Variants in PSTPIP1 observed in about 807,000 individuals in gnomAD.
PSTPIP1 encodes proline-serine-threonine phosphatase interacting protein 1.
In PSTPIP1, 66 loss-of-function variants were observed where a neutral mutation model predicts 69.6. The observed-to-expected ratio is 0.95, with a 90% CI of 0.78 to 1.16. The LOEUF (loss-of-function observed/expected upper bound fraction) is 1.16. Among genes scored for constraint, PSTPIP1 ranks in the 50% most tolerant of loss-of-function variants. PSTPIP1 has a pLI of 0.00. For missense variants in PSTPIP1, 603 were observed against 557.4 expected (o/e 1.08, Z -0.82); for synonymous variants, 266 against 222.7 (o/e 1.19, Z -1.73).
chr15:76,994,926 G>C (rs1042166541), upstream of PSTPIP1: 8 of 1,258,316 alleles, frequency 6.4e-6, no homozygotes, highest in East Asian at 1.7e-4. Context: ...GGGGTTCCTG[G>C]GCCCCTCCTG....
chr15:76,997,990 C>T (rs1029234951), intron 1 of PSTPIP1, among the ~76,000 whole-genome samples: 1 of 152,212 alleles, frequency 6.6e-6, no homozygotes, highest in African/African-American at 2.4e-5. Context: ...GTAATCCCAG[C>T]ACTCTGGGAG....
intron 1 of PSTPIP1, among the ~76,000 whole-genome samples, chr15:76,999,237 C>T (rs565643919): frequency 1.3e-5 from 2 of 152,132 alleles, no homozygotes; most frequent in African/African-American, 4.8e-5. Flanking sequence ...GTGAATGTCT[C>T]CATGGTCCAT....
intron 12 of PSTPIP1, among the ~76,000 whole-genome samples, chr15:77,034,440 G>A (rs898859619): frequency 1.1e-4 from 17 of 151,694 alleles, no homozygotes; most frequent in African/African-American, 4.1e-4. Flanking sequence ...CGCCTCATGT[G>A]GGAAAGGCCC....
At chr15:77,028,036 C>T (rs1477030221) in intron 6 of PSTPIP1, 122 bp downstream of exon 6, 3 of 950,746 alleles carry the variant, frequency 3.2e-6, no homozygotes, top group Non-Finnish European at 4.9e-6. Flanking sequence ...CCTTGGTCCT[C>T]GGACCTCGGC....
chr15:77,015,049 G>A (rs889439363), intron 1 of PSTPIP1, among the ~76,000 whole-genome samples: 3 of 152,210 alleles, frequency 2.0e-5, no homozygotes, highest in African/African-American at 7.2e-5. Flanking sequence ...ACCACTGGCT[G>A]TTCATGGGTT....
At chr15:77,033,131 C>A (rs1196880738) in intron 12 of PSTPIP1, among the ~76,000 whole-genome samples, 179 bp downstream of exon 12, 2 of 152,202 alleles carry the variant, frequency 1.3e-5, no homozygotes, top group Admixed American at 6.5e-5. Context: ...GCCTATGGAA[C>A]CCTCAGCCCA....
At position 76,995,451 on chromosome 15, in the gene PSTPIP1, G is replaced by A. The variant is rs771172891; in HGVS notation, c.-123G>A. The A allele has an allele frequency of 4.0e-5, 63 of 1,558,392 alleles. 1 individual carries two copies. In the Middle Eastern group the frequency reaches 5.0e-4, roughly 12 times the overall value. ...CTGCCTTCTGAGTGTTGCAGACGGC[G>A]CCGGCCGGGAAGGGGGGCCTGGGCC... On this transcript the variant is annotated 5_prime_UTR_variant, in exon 1 of 15. Transcript: ENST00000558012.
At chr15:77,036,934 C>T (rs1314478415) in intron 14 of PSTPIP1, 111 bp from the exon 15 acceptor site, 6 of 1,464,010 alleles carry the variant, frequency 4.1e-6, no homozygotes, top group South Asian at 2.6e-5. Flanking sequence ...CCCCTGCCCA[C>T]CCTGGGAGAC....
intron 1 of PSTPIP1, among the ~76,000 whole-genome samples, chr15:77,002,981 A>T (rs971856381): frequency 1.2e-4 from 19 of 152,146 alleles, no homozygotes; most frequent in Admixed American, 1.0e-3. Flanking sequence ...GCATGGGCAA[A>T]GGTGTGGAAG....
At chr15:77,008,864 G>A (rs1022088563) in intron 1 of PSTPIP1, among the ~76,000 whole-genome samples, 15 of 152,162 alleles carry the variant, frequency 9.9e-5, no homozygotes. Context: ...CCATGCGGCT[G>A]TGTGTAACAT....
At chr15:77,009,194 CA>C (rs1428392030) in intron 1 of PSTPIP1, among the ~76,000 whole-genome samples, 1 of 152,200 alleles carries the variant, frequency 6.6e-6, no homozygotes, top group African/African-American at 2.4e-5. Context: ...GCCCCCCAGG[CA>C]CGGAAGGCCT....
chr15:76,997,924 C>T (rs1005801786), intron 1 of PSTPIP1, among the ~76,000 whole-genome samples: 13 of 150,718 alleles, frequency 8.6e-5, no homozygotes, highest in Non-Finnish European at 1.6e-4. Context: ...CTTCAGCCTG[C>T]CAGCACACTG....
Position 77,031,195 on chromosome 15 carries a change from G to C in PSTPIP1, c.658G>C (p.Glu220Gln), listed in dbSNP as rs1315913653. The change falls in exon 10 of 15, where the codon GAG (glutamate) becomes CAG (glutamine). Residue 220 changes from glutamate (E) to glutamine (Q), a missense_variant. Transcript: ENST00000558012. ...RTTCEAFQLQ[E>Q]FDRLTILRNA... ...CTGCCCCCAGGCCTTTCAGCTGCAAGAGTTTGACCGGCTGACCATTCTCCG... is the reference window on the plus strand; with the variant it reads ...CTGCCCCCAGGCCTTTCAGCTGCAACAGTTTGACCGGCTGACCATTCTCCG... The C allele has an allele frequency of 6.2e-7, 1 of 1,612,814 alleles. No homozygotes were observed. The highest frequency in any genetic ancestry group is 8.5e-7 in the Non-Finnish European group (1 of 1,179,604).
In PSTPIP1 at chr15:77,037,332, C is replaced by G; in HGVS notation, c.*156C>G. 2.9e-6 allele frequency: 2 copies of G among 693,398 alleles called. No homozygotes were observed. Among genetic ancestry groups the G allele is most frequent in the Non-Finnish European group, 4.2e-6 (2 of 480,814 alleles). The allele number at this position is 693,398 out of a possible 1,614,324, so 43.0% of individuals were successfully genotyped here. On this transcript the variant is annotated 3_prime_UTR_variant, in exon 15 of 15. Coordinates refer to ENST00000558012, the MANE Select transcript of PSTPIP1 (RefSeq NM_003978.5). ...GGAATAAAGGAGTGCGTTCTGTTCT[C>G]CTTGGTGTGCTGGGGTCCCGTTCTC...
At chr15:77,025,396 G>A (rs192608119) in intron 4 of PSTPIP1, 78 bp downstream of exon 4, 79 of 1,579,308 alleles carry the variant, frequency 5.0e-5, no homozygotes, top group Non-Finnish European at 6.4e-5. Flanking sequence ...CAGAAGATGA[G>A]GTGTTGGGGC....
rs757841655 is a variant in PSTPIP1, at chr15:77,035,818, G to GACCCCC, written c.1009_1014dup (p.Thr337_Pro338dup). ...TGCTCTTAGCGTCCACAGAGACCCT[G>GACCCCC]ACCCCCACCCCCGAGCGGAATGAGG... is the stretch of plus-strand genomic sequence containing the variant. On this transcript the variant is annotated inframe_insertion, in exon 14 of 15. Transcript: ENST00000558012. 1.2e-6 allele frequency: 2 copies of GACCCCC among 1,608,856 alleles called. No individual in the cohort carries two copies. Among genetic ancestry groups the GACCCCC allele is most frequent in the Non-Finnish European group, 1.7e-6 (2 of 1,179,574 alleles).
intron 8 of PSTPIP1, among the ~76,000 whole-genome samples, 181 bp downstream of exon 8, chr15:77,029,755 C>A (rs1443524797): frequency 1.3e-5 from 2 of 152,204 alleles, no homozygotes; most frequent in Admixed American, 1.3e-4. Context: ...GCCAGCCCTT[C>A]TTGGCGCTTC....
intron 1 of PSTPIP1, among the ~76,000 whole-genome samples, chr15:77,012,148 TCCATCCATCCACCCACCCAC>T (rs1315227521): frequency 2.4e-5 from 3 of 122,534 alleles, no homozygotes; most frequent in Non-Finnish European, 3.5e-5. Context: ...CATCCATCCA[TCCATCCATCCACCCACCCAC>T]CCACCCACCC....
chr15:77,018,036 A>T, intron 1 of PSTPIP1, 112 bp from the exon 2 acceptor site: 1 of 1,055,646 alleles, frequency 9.5e-7, no homozygotes, highest in Non-Finnish European at 1.4e-6. Flanking sequence ...TGAGCAGGGG[A>T]GATGGAGGCA....
Sources: gnomAD v4.1 joint callset for allele counts (sites outside exome capture counted in the v4.1 genomes callset) on GRCh38, gnomAD v4.1.1 for gene constraint, MANE v1.5 for transcripts, NCBI Gene and HGNC (gene_info 2026-07-23, HGNC 2026-07-21) for gene names.